VCL: variants seen among roughly 807,000 people sequenced by gnomAD.
VCL encodes the protein vinculin.
Under a neutral mutation model 125.7 loss-of-function variants are expected in VCL, and 47 were observed. The observed-to-expected ratio is 0.37, with a 90% confidence interval of 0.30 to 0.48. The LOEUF (loss-of-function observed/expected upper bound fraction) is 0.48, where lower values mean the gene tolerates loss of function less well. Among genes scored for constraint, VCL ranks in the 20% least tolerant of loss-of-function variants. VCL has a pLI of 0.99. For synonymous variants in VCL, 458 were observed against 514.6 expected (o/e 0.89, Z 1.49); for missense variants, 1,069 against 1,455.5 (o/e 0.73, Z 4.32).
At chr10:74,059,695 G>A (rs1448629860) in intron 2 of VCL, among the ~76,000 whole-genome samples, 3 of 152,058 alleles carry the variant, frequency 2.0e-5, no homozygotes, top group South Asian at 2.1e-4. Flanking sequence ...GTGAGCCACC[G>A]CGTCCAGCCT....
intron 2 of VCL, among the ~76,000 whole-genome samples, chr10:74,052,406 T>A (rs112704723): frequency 0.019 from 2,712 of 142,882 alleles, 38 homozygotes; most frequent in Non-Finnish European, 0.029. Flanking sequence ...AGACGGAGTC[T>A]CACTCTGTAG....
chr10:74,080,180 T>G (rs1054278922), intron 6 of VCL, among the ~76,000 whole-genome samples: 2 of 152,182 alleles, frequency 1.3e-5, no homozygotes, highest in Non-Finnish European at 2.9e-5. Flanking sequence ...TTTTTGTTAG[T>G]GTAGATTATG....
chr10:74,083,151 C>A (rs763799199), intron 7 of VCL, among the ~76,000 whole-genome samples: 1 of 152,224 alleles, frequency 6.6e-6, no homozygotes, highest in Non-Finnish European at 1.5e-5. Flanking sequence ...CAAATAGATA[C>A]AGTTCCAAGT....
chr10:74,075,000 G>T (rs1591689948), intron 6 of VCL, 97 bp downstream of exon 6: 4 of 1,500,252 alleles, frequency 2.7e-6, no homozygotes, highest in African/African-American at 1.4e-5. Context: ...TGTAATTTTT[G>T]TAGCATAAGA....
Position 74,078,830 on chromosome 10 carries a change from T to A in VCL, c.784-3624T>A, listed in dbSNP as rs371566625. 2.7e-4 allele frequency among the ~76,000 whole-genome samples: 41 copies of A among 152,180 alleles called. 3 individuals are homozygous for A. The highest frequency in any genetic ancestry group is 9.6e-4 in the African/African-American group (40 of 41,496). ...AACATCTTAAACCAGAAACATCTGG[T>A]TTAAAACATTGACTTGCAGGTGGAA... On this transcript the variant is annotated intron_variant, in intron 6 of 21. Transcript: ENST00000211998.
intron 13 of VCL, among the ~76,000 whole-genome samples, chr10:74,099,040 C>G (rs1840011621): frequency 6.6e-6 from 1 of 152,202 alleles, no homozygotes; most frequent in Admixed American, 6.5e-5. Context: ...TGCCAGAGCT[C>G]TAATTATTTT....
Position 74,022,143 on chromosome 10 carries a change from A to G in VCL, c.169-20940A>G, listed in dbSNP as rs144572523. Among the ~76,000 whole-genome samples the G allele has an allele frequency of 2.3e-3, 343 of 152,312 alleles. 1 individual carries two copies. The highest frequency in any genetic ancestry group is 7.6e-3 in the African/African-American group (316 of 41,564). On this transcript the variant is annotated intron_variant, in intron 1 of 21. Transcript: ENST00000211998. ...TATGGAGAGCAGAAGTCAGCAAACT[A>G]TAGCCTGTGTTTTTAACTGTCCAGG...
At chr10:74,000,953 T>C (rs1171715655) in intron 1 of VCL, among the ~76,000 whole-genome samples, 1 of 152,194 alleles carries the variant, frequency 6.6e-6, no homozygotes, top group Non-Finnish European at 1.5e-5. Flanking sequence ...TAGTTAATCA[T>C]GAACAAAGGT....
intron 1 of VCL, among the ~76,000 whole-genome samples, chr10:74,041,769 G>A (rs1038579290): frequency 1.3e-5 from 2 of 151,998 alleles, no homozygotes; most frequent in African/African-American, 4.8e-5. Context: ...TGGGTGTGGT[G>A]GCACATGCCT....
intron 1 of VCL, among the ~76,000 whole-genome samples, chr10:74,013,983 A>G (rs898758600): frequency 4.6e-5 from 7 of 152,222 alleles, no homozygotes; most frequent in African/African-American, 7.2e-5. Context: ...GTAGAATTCC[A>G]TATGTTGTGG....
At chr10:74,037,135 C>T (rs1840995365) in intron 1 of VCL, among the ~76,000 whole-genome samples, 1 of 151,578 alleles carries the variant, frequency 6.6e-6, no homozygotes, top group African/African-American at 2.4e-5. Context: ...TGGTCTCCAT[C>T]TCCTGACCTT....
At chr10:73,999,836 T>G (rs1840194108) in intron 1 of VCL, among the ~76,000 whole-genome samples, 2 of 152,236 alleles carry the variant, frequency 1.3e-5, no homozygotes, top group Non-Finnish European at 2.9e-5. Flanking sequence ...CAATGTCTAC[T>G]TGTACATTGT....
chr10:74,008,941 C>T (rs1756049451), intron 1 of VCL, among the ~76,000 whole-genome samples: 1 of 152,176 alleles, frequency 6.6e-6, no homozygotes, highest in Admixed American at 6.6e-5. Context: ...CAAACTTCTG[C>T]CTTGGCATTT....
rs1840376540 is a variant in VCL, at chr10:74,119,726, A to ACACT, written c.*1560_*1563dup. On this transcript the variant is annotated 3_prime_UTR_variant, in exon 22 of 22. Coordinates refer to ENST00000211998, the MANE Select transcript of VCL (RefSeq NM_014000.3). ...TGTGTACAACTTAAGTTGGTCCTTT[A>ACACT]CACTCAGGCTTTCACTATTTCCTTT... 6.5e-6 allele frequency: 1 copy of ACACT among 152,694 alleles called. No homozygotes were observed. Among genetic ancestry groups the ACACT allele is most frequent in the African/African-American group, 2.4e-5 (1 of 41,560 alleles). 9.5% of individuals were successfully genotyped at this position (152,694 alleles called of 1,614,324 possible).
intron 1 of VCL, among the ~76,000 whole-genome samples, chr10:74,001,952 G>C (rs1441857843): frequency 1.3e-5 from 2 of 152,082 alleles, no homozygotes; most frequent in East Asian, 3.9e-4. Flanking sequence ...TTCATTTACT[G>C]TTCTTGAGCC....
intron 20 of VCL, 132 bp from the exon 21 acceptor site, chr10:74,114,663 A>G (rs1840284922): frequency 9.7e-7 from 1 of 1,034,168 alleles, no homozygotes. Flanking sequence ...AACAAGTGGA[A>G]TTCTGCTGCT....
At chr10:74,095,920 G>A (rs1839961481) in intron 12 of VCL, 65 bp downstream of exon 12, 1 of 1,573,060 alleles carries the variant, frequency 6.4e-7, no homozygotes, top group Non-Finnish European at 8.6e-7. Context: ...ACGAGGGAAG[G>A]AAGAGAGAGT....
intron 2 of VCL, among the ~76,000 whole-genome samples, chr10:74,044,721 T>C (rs1308269542): frequency 1.3e-5 from 2 of 152,230 alleles, no homozygotes; most frequent in African/African-American, 4.8e-5. Flanking sequence ...AAAACATTTC[T>C]ATCAGCATTG....
intron 14 of VCL, among the ~76,000 whole-genome samples, chr10:74,102,107 C>T (rs1363705442): frequency 1.3e-5 from 2 of 151,978 alleles, no homozygotes; most frequent in Non-Finnish European, 1.5e-5. Context: ...CCTCATGATC[C>T]GCCCACCTCG....
Sources: gnomAD v4.1 joint callset for allele counts (sites outside exome capture counted in the v4.1 genomes callset) on GRCh38, gnomAD v4.1.1 for gene constraint, MANE v1.5 for transcripts, NCBI Gene and HGNC (gene_info 2026-07-23, HGNC 2026-07-21) for gene names.